NUBPL: variants seen among roughly 807,000 people sequenced by gnomAD.
The protein encoded by NUBPL is iron-sulfur cluster transfer protein NUBPL.
NUBPL carries 31 observed loss-of-function variants against 45.7 expected under a neutral mutation model. The observed-to-expected ratio is 0.68, with a 90% CI of 0.51 to 0.92. The LOEUF is 0.92. NUBPL is among the 40% of genes least tolerant of loss of function. The probability of loss-of-function intolerance (pLI) is 0.00; values close to 1 mark genes in which losing one functional copy is unlikely to be tolerated. For synonymous variants in NUBPL, 144 were observed against 140.9 expected, an observed-to-expected ratio of 1.02 and a Z score of -0.15; for missense variants, 401 against 398.7, an observed-to-expected ratio of 1.01 and a Z score of -0.05.
rs1566413513 is a variant in NUBPL at position 31,562,116 on chromosome 14, A to G, written c.157A>G (p.Met53Val). 4 of 1,613,008 alleles carry G rather than the reference A, an allele frequency of 2.5e-6. No individual in the cohort carries two copies. Among genetic ancestry groups the G allele is most frequent in the Non-Finnish European group, 3.4e-6 (4 of 1,179,366 alleles). The change falls in exon 2 of 11, where the codon ATG (methionine) becomes GTG (valine). Residue 53 changes from methionine to valine, a missense_variant. Coordinates refer to ENST00000281081, the MANE Select transcript of NUBPL (RefSeq NM_025152.3). Reference protein sequence around the residue: ...ETLKQRRTQIMSRGLPKQKPI... With the variant: ...ETLKQRRTQIVSRGLPKQKPI... ...CCTAAAACAAAGAAGAACACAAATC[A>G]TGTCCCGAGGACTTCCAAAGCAGAA...
intron 6 of NUBPL, among the ~76,000 whole-genome samples, chr14:31,674,362 G>T (rs1437724349): frequency 6.6e-6 from 1 of 152,170 alleles, no homozygotes; most frequent in African/African-American, 2.4e-5. Context: ...TTAAGTAGAT[G>T]AAATCTGTCT....
At chr14:31,744,670 G>A (rs1271587832) in intron 6 of NUBPL, among the ~76,000 whole-genome samples, 8 of 137,188 alleles carry the variant, frequency 5.8e-5, no homozygotes, top group Non-Finnish European at 1.5e-5. Flanking sequence ...CACCCGGGCT[G>A]GAATGCAGTG....
In NUBPL at chr14:31,787,670, C is replaced by T. The variant is rs2039308022; in HGVS notation, c.514-110C>T. On this transcript the variant is annotated intron_variant, in intron 6 of 10. Coordinates refer to ENST00000281081, the MANE Select transcript of NUBPL (RefSeq NM_025152.3). ...CACAGTGCCTTGTACCTAGCAATGG[C>T]TCAAGCGATAGCTATGATTTTATAT... is the stretch of plus-strand genomic sequence containing the variant. 5.3e-6 allele frequency: 4 copies of T among 761,172 alleles called. No homozygotes were observed. In the East Asian group the frequency reaches 1.1e-4, roughly 21 times the overall value. The allele number at this position is 761,172 out of a possible 1,614,324, so 47.2% of individuals were successfully genotyped here.
intron 6 of NUBPL, among the ~76,000 whole-genome samples, chr14:31,774,704 A>G (rs1221539227): frequency 6.6e-6 from 1 of 152,200 alleles, no homozygotes; most frequent in African/African-American, 2.4e-5. Flanking sequence ...ATTAGACATT[A>G]TTTTGAGTGT....
At chr14:31,746,913 T>C (rs1314432144) in intron 6 of NUBPL, among the ~76,000 whole-genome samples, 1 of 151,478 alleles carries the variant, frequency 6.6e-6, no homozygotes, top group East Asian at 2.0e-4. Flanking sequence ...CTACAAAAAA[T>C]ATAAAAATTA....
intron 6 of NUBPL, among the ~76,000 whole-genome samples, chr14:31,753,019 A>G (rs536187242): frequency 3.2e-4 from 49 of 152,328 alleles, no homozygotes; most frequent in African/African-American, 1.1e-3. Flanking sequence ...AACTGCCCCC[A>G]TGGTACAATC....
At position 31,683,314 on chromosome 14, in the gene NUBPL, CTTAT is replaced by C. The variant is rs140611999; in HGVS notation, c.513+9744_513+9747del. 2.8e-3 allele frequency among the ~76,000 whole-genome samples: 414 copies of C among 148,278 alleles called. 2 individuals are homozygous for C. Among genetic ancestry groups the C allele is most frequent in the African/African-American group, 9.7e-3 (389 of 40,188 alleles). On this transcript the variant is annotated intron_variant, in intron 6 of 10. Transcript: ENST00000281081. The stretch of plus-strand genomic sequence containing the variant: ...AAATCTCACATACAGTGCTATAAAA[CTTAT>C]TTAATCATCTTTTAAGCTAGTTAAT...
chr14:31,565,440 G>A (rs575052349), intron 3 of NUBPL, among the ~76,000 whole-genome samples: 3 of 152,242 alleles, frequency 2.0e-5, no homozygotes, highest in African/African-American at 7.2e-5. Context: ...CGTGTGTAAT[G>A]CAAAACTGAA....
chr14:31,842,625 G>A (rs961381643), intron 8 of NUBPL, among the ~76,000 whole-genome samples: 3 of 152,096 alleles, frequency 2.0e-5, no homozygotes, highest in Non-Finnish European at 2.9e-5. Flanking sequence ...CCACAGGTGT[G>A]TGATACCACA....
Position 31,565,062 on chromosome 14 carries a change from A to C in NUBPL, c.291+14A>C, listed in dbSNP as rs536937553. ...GCGAACGATTCGGTAGGTGTTTATT[A>C]ATAGAAATATTAATTTATTAAAATG... On this transcript the variant is annotated intron_variant, in intron 3 of 10. Coordinates refer to ENST00000281081, the MANE Select transcript of NUBPL (RefSeq NM_025152.3). 5.4e-6 allele frequency: 8 copies of C among 1,470,730 alleles called. No individual in the cohort carries two copies. The South Asian group carries it at 8.7e-5, about 16-fold the overall frequency. 91.1% of individuals were successfully genotyped at this position (1,470,730 alleles called of 1,614,324 possible).
intron 6 of NUBPL, among the ~76,000 whole-genome samples, chr14:31,701,903 A>T (rs551699814): frequency 6.6e-6 from 1 of 152,206 alleles, no homozygotes; most frequent in Non-Finnish European, 1.5e-5. Flanking sequence ...ATTCCCTGTG[A>T]ACAAATAGAT....
chr14:31,624,771 G>T (rs1201810284), intron 4 of NUBPL, among the ~76,000 whole-genome samples: 4 of 152,058 alleles, frequency 2.6e-5, no homozygotes, highest in Non-Finnish European at 5.9e-5. Flanking sequence ...CATCATGTTG[G>T]CCAGGCTGGT....
At chr14:31,854,582 C>T (rs1239227233) in intron 10 of NUBPL, among the ~76,000 whole-genome samples, 1 of 152,126 alleles carries the variant, frequency 6.6e-6, no homozygotes, top group African/African-American at 2.4e-5. Context: ...AATTCACATG[C>T]CATATTCTCA....
chr14:31,824,957 G>C (rs149646200), intron 7 of NUBPL, among the ~76,000 whole-genome samples: 1 of 152,016 alleles, frequency 6.6e-6, no homozygotes, highest in African/African-American at 2.4e-5. Flanking sequence ...AAAAATTCAC[G>C]GATTCAGCCA....
chr14:31,815,717 C>T (rs774564995), intron 7 of NUBPL, among the ~76,000 whole-genome samples: 5 of 138,182 alleles, frequency 3.6e-5, no homozygotes, highest in Non-Finnish European at 6.5e-5. Context: ...TCCATCAATA[C>T]TTAGTTTATT....
At chr14:31,562,366 C>T (rs1031679896) in intron 2 of NUBPL, 151 bp downstream of exon 2, 63 of 790,706 alleles carry the variant, frequency 8.0e-5, no homozygotes, top group Non-Finnish European at 1.0e-4. Context: ...AGCGGGTAGA[C>T]GCTTAGATTT....
At chr14:31,801,445 G>A (rs73257280) in intron 7 of NUBPL, among the ~76,000 whole-genome samples, 33,707 of 152,060 alleles carry the variant, frequency 0.22, 4,573 homozygotes, top group Non-Finnish European at 0.31. Context: ...GATAGATGAA[G>A]TACAAAGAAA....
chr14:31,781,182 C>T (rs1409825938), intron 6 of NUBPL, among the ~76,000 whole-genome samples: 1 of 152,192 alleles, frequency 6.6e-6, no homozygotes. Flanking sequence ...AGTAGTTACT[C>T]ATTTAACCAG....
intron 4 of NUBPL, among the ~76,000 whole-genome samples, chr14:31,670,136 A>C (rs2139801914): frequency 6.6e-6 from 1 of 152,086 alleles, no homozygotes; most frequent in Non-Finnish European, 1.5e-5. Flanking sequence ...AACATTGCCA[A>C]CATCTGTTAT....
Sources: gnomAD v4.1 joint callset for allele counts (sites outside exome capture counted in the v4.1 genomes callset) on GRCh38, gnomAD v4.1.1 for gene constraint, MANE v1.5 for transcripts, NCBI Gene and HGNC (gene_info 2026-07-23, HGNC 2026-07-21) for gene names.